Variants in CAAP1 observed in about 807,000 individuals in gnomAD.
The protein encoded by CAAP1 is conserved anti-apoptotic protein.
A neutral mutation model predicts 34.0 loss-of-function variants in CAAP1; 20 were observed. That is an observed-to-expected ratio of 0.59 (90% confidence interval 0.41 to 0.86). The LOEUF (loss-of-function observed/expected upper bound fraction) is 0.86. Among genes scored for constraint, CAAP1 ranks in the 40% least tolerant of loss-of-function variants. The pLI is 0.00. For missense variants in CAAP1, 538 were observed against 450.5 expected (o/e 1.19, Z -1.76); for synonymous variants, 213 against 166.7 (o/e 1.28, Z -2.14).
intron 3 of CAAP1, among the ~76,000 whole-genome samples, chr9:26,885,297 G>A (rs7025993): frequency 0.042 from 6,412 of 151,704 alleles, 466 homozygotes; most frequent in African/African-American, 0.15. Flanking sequence ...AGCTGGTCTC[G>A]AACTCCTGAC....
chr9:26,881,452 T>G (rs1823591163), intron 4 of CAAP1, among the ~76,000 whole-genome samples: 1 of 152,204 alleles, frequency 6.6e-6, no homozygotes, highest in South Asian at 2.1e-4. Context: ...TCCCATACTC[T>G]TCTGGTGGAA....
intron 5 of CAAP1, among the ~76,000 whole-genome samples, chr9:26,845,568 G>A (rs1444158568): frequency 2.0e-5 from 3 of 152,082 alleles, no homozygotes; most frequent in Non-Finnish European, 4.4e-5. Context: ...TGGAGACGGG[G>A]TTTCACCATG....
In CAAP1 at chr9:26,855,854, C is replaced by T. The variant is rs189616431; in HGVS notation, c.739+5212G>A. Among the ~76,000 whole-genome samples, 523 of 152,272 alleles carry T rather than the reference C, an allele frequency of 3.4e-3. 1 individual carries two copies. Among genetic ancestry groups the T allele is most frequent in the Non-Finnish European group, 5.7e-3 (387 of 68,020 alleles). On this transcript the variant is annotated intron_variant, in intron 5 of 5. Coordinates refer to ENST00000333916, the MANE Select transcript of CAAP1 (RefSeq NM_024828.4). ...AAAGAACTCAGTGTCCCAATAATGA[C>T]TGAAGGTTTACACTATGTGACCTCC...
chr9:26,868,061 T>A (rs1181703718), intron 4 of CAAP1, among the ~76,000 whole-genome samples: 1 of 152,204 alleles, frequency 6.6e-6, no homozygotes, highest in African/African-American at 2.4e-5. Context: ...TATCTACTAT[T>A]TATGTACATA....
At chr9:26,879,035 C>T (rs1290844906) in intron 4 of CAAP1, among the ~76,000 whole-genome samples, 1 of 152,190 alleles carries the variant, frequency 6.6e-6, no homozygotes, top group African/African-American at 2.4e-5. Flanking sequence ...TCCTTCTTCC[C>T]TGAATCTCTT....
At chr9:26,874,728 T>C (rs766515187) in intron 4 of CAAP1, among the ~76,000 whole-genome samples, 3 of 152,224 alleles carry the variant, frequency 2.0e-5, no homozygotes, top group African/African-American at 4.8e-5. Context: ...AAATTTCTTA[T>C]GACTACTGCT....
At chr9:26,885,382 CTTCT>C (rs1823713610) in intron 3 of CAAP1, among the ~76,000 whole-genome samples, 2 of 151,982 alleles carry the variant, frequency 1.3e-5, no homozygotes, top group South Asian at 2.1e-4. Flanking sequence ...GCCTCATTGA[CTTCT>C]TTTTCTCTAT....
At chr9:26,852,684 A>C (rs1200845507) in intron 5 of CAAP1, among the ~76,000 whole-genome samples, 1 of 152,188 alleles carries the variant, frequency 6.6e-6, no homozygotes, top group Non-Finnish European at 1.5e-5. Context: ...TAGACATGTG[A>C]TAGATCAACA....
At chr9:26,880,243 C>T in intron 4 of CAAP1, 1 of 415,142 alleles carries the variant, frequency 2.4e-6, no homozygotes, top group South Asian at 1.8e-5. Flanking sequence ...TCAAAAAGGA[C>T]AACCAGATAG....
intron 5 of CAAP1, among the ~76,000 whole-genome samples, chr9:26,846,562 T>C (rs1448409606): frequency 1.3e-5 from 2 of 152,300 alleles, no homozygotes; most frequent in Middle Eastern, 3.4e-3. Context: ...ATAAAATTTC[T>C]AATCTTTACA....
chr9:26,889,895 C>T (rs1408911223), intron 1 of CAAP1, among the ~76,000 whole-genome samples: 2 of 147,732 alleles, frequency 1.4e-5, no homozygotes, highest in Non-Finnish European at 3.0e-5. Flanking sequence ...AAAAAGGAAC[C>T]TCAATACACA....
intron 3 of CAAP1, among the ~76,000 whole-genome samples, chr9:26,885,413 G>A (rs1343753418): frequency 6.6e-6 from 1 of 152,036 alleles, no homozygotes; most frequent in African/African-American, 2.4e-5. Flanking sequence ...AATGTATACA[G>A]ACAACAATGT....
chr9:26,869,849 A>T, intron 4 of CAAP1: 1 of 455,484 alleles, frequency 2.2e-6, no homozygotes, highest in Middle Eastern at 1.1e-3. Context: ...TTAATAAAAC[A>T]AATCAGTTAA....
intron 4 of CAAP1, among the ~76,000 whole-genome samples, chr9:26,864,588 T>C (rs374645238): frequency 6.6e-6 from 1 of 152,222 alleles, no homozygotes; most frequent in African/African-American, 2.4e-5. Flanking sequence ...GGCTTCATTG[T>C]ATATAAACTG....
chr9:26,873,485 T>C (rs1241664623), intron 4 of CAAP1, among the ~76,000 whole-genome samples: 1 of 152,238 alleles, frequency 6.6e-6, no homozygotes, highest in Non-Finnish European at 1.5e-5. Flanking sequence ...AGTATACTTT[T>C]ATTCCTTATA....
At chr9:26,856,376 ATTTTC>A (rs757118142) in intron 5 of CAAP1, among the ~76,000 whole-genome samples, 19 of 152,228 alleles carry the variant, frequency 1.2e-4, no homozygotes, top group African/African-American at 3.9e-4. Flanking sequence ...AATCAAACAT[ATTTTC>A]TTTTCTTCCA....
intron 4 of CAAP1, among the ~76,000 whole-genome samples, chr9:26,868,521 C>G (rs539432613): frequency 2.6e-5 from 4 of 152,268 alleles, no homozygotes; most frequent in African/African-American, 7.2e-5. Context: ...CCCAGAAAAA[C>G]TGATTTTCAC....
At chr9:26,851,139 A>C (rs1822741268) in intron 5 of CAAP1, among the ~76,000 whole-genome samples, 2 of 152,250 alleles carry the variant, frequency 1.3e-5, no homozygotes. Flanking sequence ...ATTAAGACAC[A>C]GGTTTTGCCT....
chr9:26,889,312 G>A (rs528190341), intron 1 of CAAP1, among the ~76,000 whole-genome samples: 4 of 152,180 alleles, frequency 2.6e-5, no homozygotes, highest in Middle Eastern at 6.8e-3. Context: ...CAACTACTCG[G>A]GAGGCTGAGG....
Sources: allele counts gnomAD v4.1 joint callset (sites outside exome capture counted in the v4.1 genomes callset), GRCh38; gene constraint gnomAD v4.1.1; transcripts MANE v1.5; gene names NCBI Gene and HGNC (gene_info 2026-07-23, HGNC 2026-07-21).